The following CACNB4 variants were observed in gnomAD, a reference collection of about 807,000 sequenced individuals.
CACNB4 encodes voltage-dependent L-type calcium channel subunit beta-4.
Under a neutral mutation model 71.2 loss-of-function variants are expected in CACNB4, and 32 were observed. The ratio of observed to expected loss-of-function variants is 0.45; its 90% CI spans 0.34 to 0.60. The LOEUF (loss-of-function observed/expected upper bound fraction) is 0.60. Among genes scored for constraint, CACNB4 ranks in the 20% least tolerant of loss-of-function variants. The pLI is 0.01. For missense variants in CACNB4, 464 were observed against 647.9 expected (o/e 0.72, Z 3.08); for synonymous variants, 231 against 236.9 (o/e 0.97, Z 0.23).
At chr2:152,058,072 A>G (rs929440633) in intron 2 of CACNB4, among the ~76,000 whole-genome samples, 1 of 151,492 alleles carries the variant, frequency 6.6e-6, no homozygotes, top group African/African-American at 2.4e-5. Context: ...TTTGCTCCTC[A>G]CTCTTCTCTC....
intron 2 of CACNB4, among the ~76,000 whole-genome samples, chr2:152,061,310 T>G (rs1686001844): frequency 1.3e-5 from 2 of 152,030 alleles, no homozygotes; most frequent in South Asian, 4.2e-4. Context: ...AGATCCTGTC[T>G]CTAAAAAAAA....
chr2:151,961,123 G>C (rs2151695912), intron 2 of CACNB4, among the ~76,000 whole-genome samples: 1 of 152,282 alleles, frequency 6.6e-6, no homozygotes, highest in South Asian at 2.1e-4. Flanking sequence ...GCTGTCATCA[G>C]AAATGTAAAA....
chr2:151,879,062 A>T (rs1305709859), intron 4 of CACNB4, among the ~76,000 whole-genome samples: 1 of 152,222 alleles, frequency 6.6e-6, no homozygotes, highest in Non-Finnish European at 1.5e-5. Context: ...GGAATTAACA[A>T]AGGGCAAAGG....
intron 2 of CACNB4, among the ~76,000 whole-genome samples, chr2:152,030,310 A>C (rs1351242357): frequency 1.3e-5 from 2 of 152,202 alleles, no homozygotes; most frequent in African/African-American, 4.8e-5. Flanking sequence ...AAGACACTAG[A>C]TTTATGTTTA....
At chr2:152,083,204 G>GTA (rs1687455557) in intron 2 of CACNB4, among the ~76,000 whole-genome samples, 1 of 152,096 alleles carries the variant, frequency 6.6e-6, no homozygotes, top group Non-Finnish European at 1.5e-5. Flanking sequence ...CAAGAAATGT[G>GTA]TATATGTATG....
chr2:152,032,699 C>T (rs900613484), intron 2 of CACNB4, among the ~76,000 whole-genome samples: 1 of 152,114 alleles, frequency 6.6e-6, no homozygotes, highest in East Asian at 1.9e-4. Flanking sequence ...GGTGTGGTGG[C>T]TCATGCCTAT....
intron 2 of CACNB4, among the ~76,000 whole-genome samples, chr2:151,888,453 C>T (rs972823390): frequency 6.6e-6 from 1 of 152,104 alleles, no homozygotes; most frequent in African/African-American, 2.4e-5. Context: ...TATAGCCCCA[C>T]TACTTGGGAG....
At chr2:152,033,253 T>C (rs759820421) in intron 2 of CACNB4, among the ~76,000 whole-genome samples, 1 of 152,230 alleles carries the variant, frequency 6.6e-6, no homozygotes, top group Non-Finnish European at 1.5e-5. Flanking sequence ...AAAGGGCAGC[T>C]TTTGACTTGC....
At chr2:152,032,508 A>G in intron 2 of CACNB4, among the ~76,000 whole-genome samples, 1 of 152,246 alleles carries the variant, frequency 6.6e-6, no homozygotes, top group East Asian at 1.9e-4. Flanking sequence ...AATTCCTTAA[A>G]AAACACAAAT....
Position 151,880,918 on chromosome 2 carries a change from T to C in CACNB4, c.272A>G (p.Lys91Arg). Residue 91 changes from lysine to arginine, a missense_variant, in exon 4 of 14, where the codon AAA becomes AGA. Lys to Arg is a conservative substitution (Grantham distance 26, BLOSUM62 2). Around this residue, in one of 3 missense-constraint regions of CACNB4, gnomAD observed 299 missense variants for 471.7 expected, o/e 0.63. Transcript: ENST00000539935. ...TGTCTTCACGGCAAATGCTACAGGT[T>C]TGGACTAGGGACAGAACCATGGAAT... ...AAIQLERAKS[K>R]PVAFAVKTNV... 1.2e-6 allele frequency: 2 copies of C among 1,612,672 alleles called. No individual in the cohort carries two copies. Among genetic ancestry groups the C allele is most frequent in the Non-Finnish European group, 1.7e-6 (2 of 1,179,260 alleles).
intron 2 of CACNB4, among the ~76,000 whole-genome samples, chr2:152,013,738 ATCGCAAAG>A (rs1683190447): frequency 6.6e-6 from 1 of 152,196 alleles, no homozygotes; most frequent in Admixed American, 6.5e-5. Flanking sequence ...TTGTGTTATA[ATCGCAAAG>A]CCCTGGTAAC....
chr2:151,880,574 T>C (rs530634555), intron 4 of CACNB4: 2 of 540,156 alleles, frequency 3.7e-6, no homozygotes, highest in South Asian at 4.8e-5. Flanking sequence ...TATGCTATAA[T>C]TTTAAGGTTG....
At chr2:151,852,831 A>C (rs2099839411) in intron 12 of CACNB4, 1 of 152,232 alleles carries the variant, frequency 6.6e-6, no homozygotes, top group Admixed American at 6.5e-5. Flanking sequence ...CAGTGGGAAA[A>C]GTGGAGAGAC....
chr2:151,860,670 G>A, intron 10 of CACNB4, 41 bp downstream of exon 10: 2 of 1,354,300 alleles, frequency 1.5e-6, no homozygotes, highest in South Asian at 2.3e-5. Context: ...AGCCCGGTCT[G>A]TAAGCACAGC....
intron 2 of CACNB4, among the ~76,000 whole-genome samples, chr2:152,091,079 C>G (rs962864279): frequency 3.3e-5 from 5 of 151,830 alleles, no homozygotes; most frequent in African/African-American, 1.2e-4. Context: ...GCAATTCTAT[C>G]CATCAGGAAC....
chr2:152,009,136 A>T (rs1313243422), intron 2 of CACNB4, among the ~76,000 whole-genome samples: 1 of 150,946 alleles, frequency 6.6e-6, no homozygotes, highest in African/African-American at 2.4e-5. Flanking sequence ...GGCTGCAGTT[A>T]GCTGTGTTTG....
At chr2:152,058,379 G>T (rs1471971857) in intron 2 of CACNB4, among the ~76,000 whole-genome samples, 1 of 152,232 alleles carries the variant, frequency 6.6e-6, no homozygotes, top group East Asian at 1.9e-4. Flanking sequence ...AAGACAGGAA[G>T]ATGTGGAAAG....
chr2:151,989,739 C>T (rs1373444486), intron 2 of CACNB4, among the ~76,000 whole-genome samples: 1 of 152,184 alleles, frequency 6.6e-6, no homozygotes, highest in Non-Finnish European at 1.5e-5. Flanking sequence ...GATACCTCTC[C>T]TCAGATGTCC....
At chr2:151,876,942 TTATA>T (rs1195452875) in intron 4 of CACNB4, among the ~76,000 whole-genome samples, 3 of 147,122 alleles carry the variant, frequency 2.0e-5, no homozygotes, top group Non-Finnish European at 3.0e-5. Flanking sequence ...TATACTATAT[TTATA>T]TAAACTATAT....
Sources: allele counts gnomAD v4.1 joint callset (sites outside exome capture counted in the v4.1 genomes callset), GRCh38; gene constraint gnomAD v4.1.1; regional missense constraint gnomAD v4.1.1; transcripts MANE v1.5; gene names NCBI Gene and HGNC (gene_info 2026-07-23, HGNC 2026-07-21).